ZC3H12B: variants seen among roughly 807,000 people sequenced by gnomAD.
ZC3H12B encodes zinc finger CCCH-type containing 12B.
In ZC3H12B, 7 loss-of-function variants were observed where a neutral mutation model predicts 43.9. The ratio of observed to expected loss-of-function variants is 0.16; its 90% CI spans 0.09 to 0.30. ZC3H12B has a LOEUF of 0.30. Ranked by LOEUF, ZC3H12B falls within the 10% of genes least tolerant of loss-of-function variation. The pLI is 1.00. For missense variants in ZC3H12B, 475 were observed against 670.2 expected, an observed-to-expected ratio of 0.71 and a Z score of 3.22; for synonymous variants, 222 against 241.7, an observed-to-expected ratio of 0.92 and a Z score of 0.76.
At chrX:65,334,648 T>G in the ZC3H12B span, among the ~76,000 whole-genome samples, 1 of 110,964 alleles carries the variant, frequency 9.0e-6, no homozygotes, top group African/African-American at 3.3e-5. Context: ...GAAGATCCAG[T>G]AGTTATAAGA....
At chrX:65,201,795 G>T in the ZC3H12B span, among the ~76,000 whole-genome samples, 1 of 107,537 alleles carries the variant, frequency 9.3e-6, no homozygotes, top group African/African-American at 3.4e-5. Context: ...CACATGTTGT[G>T]GGAGGGGTCC....
the ZC3H12B span, among the ~76,000 whole-genome samples, chrX:65,279,525 G>T: frequency 9.0e-6 from 1 of 110,846 alleles, no homozygotes; most frequent in Admixed American, 9.7e-5. Context: ...ATATGCAGAA[G>T]ATTTAAGCTG....
intron 1 of ZC3H12B, among the ~76,000 whole-genome samples, chrX:65,368,619 A>C (rs1410959028): frequency 8.9e-6 from 1 of 112,190 alleles, no homozygotes; most frequent in Non-Finnish European, 1.9e-5. Flanking sequence ...TCTCAGGCTC[A>C]ATATGTATAA....
chrX:65,217,525 A>G, the ZC3H12B span, among the ~76,000 whole-genome samples: 1 of 112,193 alleles, frequency 8.9e-6, no homozygotes, highest in Admixed American at 9.5e-5. Context: ...ATGGAATCTG[A>G]AATAGTTTTC....
intron 3 of ZC3H12B, among the ~76,000 whole-genome samples, chrX:65,411,220 CAT>C (rs1451634852): frequency 4.5e-5 from 5 of 111,963 alleles, no homozygotes; most frequent in African/African-American, 9.8e-5. Context: ...AGAAATATCA[CAT>C]GTTCTCACTT....
chrX:65,341,165 G>T, the ZC3H12B span, among the ~76,000 whole-genome samples: 16 of 111,961 alleles, frequency 1.4e-4, no homozygotes, highest in East Asian at 4.5e-3. Flanking sequence ...AGAGAAAAAA[G>T]AATGAAAAGG....
the ZC3H12B span, among the ~76,000 whole-genome samples, chrX:65,226,995 T>A: frequency 5.2e-4 from 58 of 110,907 alleles, no homozygotes; most frequent in Non-Finnish European, 9.6e-4. Flanking sequence ...TTAGCAAGGA[T>A]ACCCAGGAAT....
At chrX:65,307,734 C>T in the ZC3H12B span, among the ~76,000 whole-genome samples, 2 of 111,429 alleles carry the variant, frequency 1.8e-5, no homozygotes, top group Admixed American at 9.6e-5. Context: ...AATCAAGAAG[C>T]TAAACAAACC....
At chrX:65,417,104 C>T in intron 3 of ZC3H12B, among the ~76,000 whole-genome samples, 1 of 111,546 alleles carries the variant, frequency 9.0e-6, no homozygotes. Context: ...CTTCTCAAAC[C>T]TACCTGGGGA....
chrX:65,357,779 A>G, the ZC3H12B span, among the ~76,000 whole-genome samples: 1 of 111,867 alleles, frequency 8.9e-6, no homozygotes, highest in Non-Finnish European at 1.9e-5. Context: ...AAGAAACTGC[A>G]TCAACTAATG....
intron 3 of ZC3H12B, among the ~76,000 whole-genome samples, chrX:65,410,109 A>G (rs1206013437): frequency 5.3e-5 from 4 of 75,780 alleles, no homozygotes; most frequent in East Asian, 6.2e-4. Context: ...TTAAATCAGA[A>G]AAAAAAAAAA....
chrX:65,350,905 T>G, the ZC3H12B span, among the ~76,000 whole-genome samples: 2 of 111,874 alleles, frequency 1.8e-5, no homozygotes, highest in Admixed American at 9.5e-5. Flanking sequence ...TAAAGTAATT[T>G]ATAGATTCAA....
the ZC3H12B span, among the ~76,000 whole-genome samples, chrX:65,115,108 A>G: frequency 9.3e-6 from 1 of 107,766 alleles, no homozygotes; most frequent in Non-Finnish European, 1.9e-5. Flanking sequence ...GATTACATGA[A>G]TAAGTTCTTT....
rs2148200640 is a variant in ZC3H12B, at chrX:65,473,383, G to A, written n.408-15263G>A. 1.8e-5 allele frequency among the ~76,000 whole-genome samples: 2 copies of A among 111,157 alleles called. 1 individual carries two copies. Among genetic ancestry groups the A allele is most frequent in the South Asian group, 7.6e-4 (2 of 2,635 alleles). On this transcript the variant is annotated intron_variant and non_coding_transcript_variant, in intron 3 of 5. Transcript: ENST00000617377. ...AGTTCCTCTTGCCCAAAATTTCTTTGGCTATTCAGGGTCTTTTATGGTTTC... is the reference window on the plus strand; with the variant it reads ...AGTTCCTCTTGCCCAAAATTTCTTTAGCTATTCAGGGTCTTTTATGGTTTC...
chrX:65,232,580 G>T, the ZC3H12B span, among the ~76,000 whole-genome samples: 5 of 111,035 alleles, frequency 4.5e-5, no homozygotes, highest in Non-Finnish European at 9.4e-5. Flanking sequence ...TATTCACAAA[G>T]CAAAAATTAT....
intron 3 of ZC3H12B, among the ~76,000 whole-genome samples, chrX:65,419,200 T>C (rs1452817111): frequency 1.8e-5 from 2 of 111,988 alleles, no homozygotes; most frequent in African/African-American, 6.5e-5. Flanking sequence ...ATCAGTTCCC[T>C]GGCCTGTGGA....
chrX:65,111,720 G>C, the ZC3H12B span, among the ~76,000 whole-genome samples: 2 of 109,319 alleles, frequency 1.8e-5, no homozygotes, highest in Non-Finnish European at 3.8e-5. Flanking sequence ...AGTTATCTTT[G>C]ATGCTATATT....
At chrX:65,259,985 A>G in the ZC3H12B span, among the ~76,000 whole-genome samples, 153 of 111,792 alleles carry the variant, frequency 1.4e-3, 1 homozygote, top group African/African-American at 4.9e-3. Flanking sequence ...AAAACTAAAT[A>G]TCATATGTTC....
At chrX:65,274,065 G>A in the ZC3H12B span, among the ~76,000 whole-genome samples, 1 of 112,106 alleles carries the variant, frequency 8.9e-6, no homozygotes, top group Non-Finnish European at 1.9e-5. Context: ...GCATCACCCA[G>A]TCTCTGCAGC....
Sources: gnomAD v4.1 joint callset for allele counts (sites outside exome capture counted in the v4.1 genomes callset) on GRCh38, gnomAD v4.1.1 for gene constraint, MANE v1.5 for transcripts, NCBI Gene and HGNC (gene_info 2026-07-23, HGNC 2026-07-21) for gene names.